CRACD: variants seen among roughly 807,000 people sequenced by gnomAD.
The protein encoded by CRACD is capping protein inhibiting regulator of actin dynamics.
In CRACD, 56 loss-of-function variants were observed where a neutral mutation model predicts 106.8. The ratio of observed to expected loss-of-function variants is 0.52; its 90% CI spans 0.42 to 0.66. CRACD has a LOEUF of 0.66. CRACD is among the 30% of genes least tolerant of loss of function. CRACD has a pLI of 0.00. For missense variants in CRACD, 1,730 were observed against 1,623.2 expected (o/e 1.07, Z -1.13); for synonymous variants, 754 against 670.8 (o/e 1.12, Z -1.92).
chr4:56,288,337 C>A, intron 3 of CRACD: 2 of 311,748 alleles, frequency 6.4e-6, no homozygotes, highest in South Asian at 3.2e-5. Context: ...TTAATCCAGT[C>A]ACCCAGATAG....
At chr4:56,140,629 C>T (rs1396767768) in intron 1 of CRACD, among the ~76,000 whole-genome samples, 5 of 152,092 alleles carry the variant, frequency 3.3e-5, no homozygotes, top group Non-Finnish European at 5.9e-5. Flanking sequence ...TCTCTGGAAA[C>T]GTGTATTCAT....
chr4:56,119,063 G>A (rs1323601236), intron 1 of CRACD, among the ~76,000 whole-genome samples: 5 of 152,104 alleles, frequency 3.3e-5, no homozygotes, highest in South Asian at 2.1e-4. Context: ...AGGATTCATC[G>A]TCATCAACAT....
At position 56,258,680 on chromosome 4, in the gene CRACD, C is replaced by G. The variant is rs143497686; in HGVS notation, c.-188-13641C>G. On this transcript the variant is annotated intron_variant, in intron 2 of 10. Transcript: ENST00000682029. ...AGGACAGTGGTGAAGGGAAATCCCC[C>G]CAGTGGGTAGAGCTTTGAGCAGTGT... 9.2e-5 allele frequency among the ~76,000 whole-genome samples: 14 copies of G among 152,262 alleles called. No individual in the cohort carries two copies. In the East Asian group the frequency reaches 2.5e-3, roughly 27 times the overall value.
intron 2 of CRACD, among the ~76,000 whole-genome samples, chr4:56,218,727 C>G (rs979516646): frequency 1.3e-5 from 2 of 151,862 alleles, no homozygotes; most frequent in African/African-American, 4.8e-5. Flanking sequence ...CTCGCTTCAG[C>G]CCCACAAAGT....
At chr4:56,104,859 C>T (rs972822756) in intron 1 of CRACD, among the ~76,000 whole-genome samples, 1 of 150,306 alleles carries the variant, frequency 6.7e-6, no homozygotes, top group South Asian at 2.1e-4. Flanking sequence ...CCCAGCTACT[C>T]GGGAGGCTGA....
chr4:56,197,825 C>T (rs760529703), intron 2 of CRACD, among the ~76,000 whole-genome samples: 16 of 152,002 alleles, frequency 1.1e-4, no homozygotes, highest in Non-Finnish European at 1.8e-4. Flanking sequence ...CTATAGGCAC[C>T]CGCCATCACG....
At chr4:56,274,680 C>CACTT (rs58333273) in intron 3 of CRACD, among the ~76,000 whole-genome samples, 71,611 of 151,584 alleles carry the variant, frequency 0.47, 17,761 homozygotes, top group African/African-American at 0.63. Context: ...TTTAATTAAA[C>CACTT]CTTTTTATAA....
intron 1 of CRACD, among the ~76,000 whole-genome samples, chr4:56,176,657 G>A (rs143774308): frequency 0.04 from 6,144 of 151,922 alleles, 420 homozygotes; most frequent in African/African-American, 0.14. Context: ...GGATGGTCTC[G>A]ATCTCCTGAC....
At chr4:56,124,267 G>A (rs1734587359) in intron 1 of CRACD, among the ~76,000 whole-genome samples, 1 of 152,154 alleles carries the variant, frequency 6.6e-6, no homozygotes, top group South Asian at 2.1e-4. Flanking sequence ...GGAAATGTCT[G>A]TACATACACA....
chr4:56,223,240 A>G (rs1236774978), intron 2 of CRACD, among the ~76,000 whole-genome samples: 1 of 150,066 alleles, frequency 6.7e-6, no homozygotes, highest in Non-Finnish European at 1.5e-5. Context: ...TTTTTTTCCT[A>G]ATAACACCTT....
intron 3 of CRACD, among the ~76,000 whole-genome samples, chr4:56,279,480 G>A (rs1026619904): frequency 7.9e-5 from 12 of 152,236 alleles, no homozygotes; most frequent in South Asian, 2.1e-4. Flanking sequence ...ACAAGTGGGC[G>A]AAGGATATGA....
At position 56,265,403 on chromosome 4, in the gene CRACD, G is replaced by GTGTGT. The variant is rs1741951358; in HGVS notation, c.-188-6918_-188-6917insTGTGT. Among the ~76,000 whole-genome samples, 117 of 77,442 alleles carry GTGTGT rather than the reference G, an allele frequency of 1.5e-3. 1 individual carries two copies. The East Asian group carries it at 0.019, about 13-fold the overall frequency. 50.8% of individuals were successfully genotyped at this position (77,442 alleles called of 152,430 possible). A position where few individuals can be genotyped will look rare whatever the true frequency, so the allele number is the denominator to read the frequency against. On this transcript the variant is annotated intron_variant, in intron 2 of 10. Coordinates refer to ENST00000682029, the MANE Select transcript of CRACD (RefSeq NM_001393381.1). ...AGTGTACTCAGGGGTATAGAGGAGG[G>GTGTGT]GTGTGTGTGTGTGTGTGTGTGTGTG...
chr4:56,131,615 A>T (rs1734827983), intron 1 of CRACD, among the ~76,000 whole-genome samples: 1 of 152,146 alleles, frequency 6.6e-6, no homozygotes, highest in Non-Finnish European at 1.5e-5. Context: ...GGATCTGGGG[A>T]GACACTGTTC....
chr4:56,240,327 G>C (rs1308162556), intron 2 of CRACD, among the ~76,000 whole-genome samples: 1 of 152,082 alleles, frequency 6.6e-6, no homozygotes, highest in Non-Finnish European at 1.5e-5. Context: ...TGGGGAGGGG[G>C]AGTAGGGTAC....
At chr4:56,082,305 A>G (rs1052619201) in intron 1 of CRACD, among the ~76,000 whole-genome samples, 4 of 152,198 alleles carry the variant, frequency 2.6e-5, no homozygotes, top group Non-Finnish European at 5.9e-5. Context: ...GAACAAAAAG[A>G]TGAAATCCAA....
intron 2 of CRACD, among the ~76,000 whole-genome samples, chr4:56,236,427 C>T (rs1739972709): frequency 6.6e-6 from 1 of 152,162 alleles, no homozygotes; most frequent in Admixed American, 6.5e-5. Context: ...TTTATTGTGG[C>T]AGCCTGAGCA....
intron 1 of CRACD, among the ~76,000 whole-genome samples, chr4:56,061,705 G>A (rs1732284882): frequency 6.6e-6 from 1 of 152,156 alleles, no homozygotes. Context: ...ATTGTGATGA[G>A]TGCTATAAAG....
chr4:56,202,757 CTT>C (rs1326224615), intron 2 of CRACD, among the ~76,000 whole-genome samples: 1 of 152,038 alleles, frequency 6.6e-6, no homozygotes, highest in Non-Finnish European at 1.5e-5. Context: ...TCTGAAATAA[CTT>C]TTATTTTTTC....
Position 56,247,413 on chromosome 4 carries a change from C to T in CRACD, c.-188-24908C>T, listed in dbSNP as rs17086519. On this transcript the variant is annotated intron_variant, in intron 2 of 10. Coordinates refer to ENST00000682029, the MANE Select transcript of CRACD (RefSeq NM_001393381.1). ...AGATGTGTGATTTGGCAGTGGTTGA[C>T]TGGCAGCTGATAGTAACTCAGGAAT... is the stretch of plus-strand genomic sequence containing the variant. Among the ~76,000 whole-genome samples the T allele has an allele frequency of 6.8e-3, 1,029 of 152,290 alleles. 16 individuals are homozygous for T. The highest frequency in any genetic ancestry group is 0.024 in the African/African-American group (984 of 41,562).
Sources: gnomAD v4.1 joint callset for allele counts (sites outside exome capture counted in the v4.1 genomes callset) on GRCh38, gnomAD v4.1.1 for gene constraint, MANE v1.5 for transcripts, NCBI Gene and HGNC (gene_info 2026-07-23, HGNC 2026-07-21) for gene names.